Variants in GSTA4 observed in about 807,000 individuals in gnomAD.
The protein encoded by GSTA4 is glutathione S-transferase alpha 4, also known as glutathione S-transferase A4.
GSTA4 carries 15 observed loss-of-function variants against 24.4 expected under a neutral mutation model. The ratio of observed to expected loss-of-function variants is 0.61; its 90% CI spans 0.41 to 0.95. The LOEUF (loss-of-function observed/expected upper bound fraction) is 0.95, where lower values mean the gene tolerates loss of function less well. Among genes scored for constraint, GSTA4 ranks in the 40% least tolerant of loss-of-function variants. The pLI, the probability that GSTA4 is intolerant of heterozygous loss-of-function variation, is 0.00. For synonymous variants in GSTA4, 92 were observed against 94.2 expected (o/e 0.98, Z 0.13); for missense variants, 244 against 262.1 (o/e 0.93, Z 0.48).
chr6:52,986,550 A>C (rs892634394), intron 3 of GSTA4, among the ~76,000 whole-genome samples: 6 of 152,250 alleles, frequency 3.9e-5, no homozygotes, highest in Non-Finnish European at 7.3e-5. Context: ...TATTTAACAA[A>C]CCTGAATCCA....
At chr6:52,993,076 CT>C (rs1204871724) in intron 2 of GSTA4, among the ~76,000 whole-genome samples, 1 of 152,104 alleles carries the variant, frequency 6.6e-6, no homozygotes, top group Non-Finnish European at 1.5e-5. Context: ...GCACTCCAGC[CT>C]GGGCTACAGA....
At chr6:52,991,952 T>G (rs1040001252) in intron 2 of GSTA4, among the ~76,000 whole-genome samples, 3 of 152,066 alleles carry the variant, frequency 2.0e-5, no homozygotes, top group South Asian at 2.1e-4. Flanking sequence ...AGACGGGGTT[T>G]CACCATGTTG....
intron 5 of GSTA4, among the ~76,000 whole-genome samples, chr6:52,983,505 T>C (rs1653552397): frequency 6.6e-6 from 1 of 152,206 alleles, no homozygotes; most frequent in African/African-American, 2.4e-5. Flanking sequence ...CATCCTGAAT[T>C]TGTAGTCAGA....
chr6:52,981,866 A>C lies in GSTA4; in HGVS notation c.546+708T>G, dbSNP rs534820648. Among the ~76,000 whole-genome samples the C allele has an allele frequency of 5.3e-5, 8 of 152,296 alleles. No homozygotes were observed. The South Asian group carries it at 1.7e-3, about 32-fold the overall frequency. On this transcript the variant is annotated intron_variant, in intron 6 of 6. Transcript: ENST00000370963. ...TCTCTCCTTTAAAGTTCTATGATCA[A>C]TCCTGCCAGAATAACCCTGAGGGAT...
chr6:52,988,456 C>T (rs1763604595), intron 2 of GSTA4, among the ~76,000 whole-genome samples: 2 of 152,168 alleles, frequency 1.3e-5, no homozygotes. Flanking sequence ...AACACTCTGA[C>T]ATCCTGAGGC....
At chr6:52,986,760 C>A (rs1324682280) in intron 3 of GSTA4, among the ~76,000 whole-genome samples, 1 of 152,196 alleles carries the variant, frequency 6.6e-6, no homozygotes, top group East Asian at 1.9e-4. Flanking sequence ...GAGCCTCCAG[C>A]TGGGCCTGAG....
intron 5 of GSTA4, among the ~76,000 whole-genome samples, chr6:52,984,014 AAACAAAAAG>A: frequency 6.6e-6 from 1 of 152,344 alleles, no homozygotes; most frequent in South Asian, 2.1e-4. Context: ...ACAAAACCAA[AAACAAAAAG>A]AGCAAAGGGA....
At chr6:52,988,211 T>C (rs1763598739) in intron 2 of GSTA4, among the ~76,000 whole-genome samples, 1 of 148,756 alleles carries the variant, frequency 6.7e-6, no homozygotes, top group Non-Finnish European at 1.5e-5. Context: ...AATTTAAGCA[T>C]CAAAAAGAAT....
chr6:52,994,153 G>A lies in GSTA4; in HGVS notation c.87+4C>T. The A allele has an allele frequency of 1.3e-6, 2 of 1,585,488 alleles. No individual in the cohort carries two copies. Among genetic ancestry groups the A allele is most frequent in the East Asian group, 2.2e-5 (1 of 44,750 alleles). On this transcript the variant is annotated splice_donor_region_variant and intron_variant, in intron 2 of 6. Coordinates refer to ENST00000370963, the MANE Select transcript of GSTA4 (RefSeq NM_001512.4). Reference sequence around the variant, plus strand: ...AATCCGTGAAGAAACAGCATATAAGGTACCTCGACTCCGGCGGCAGCTAAA... The same window carrying A: ...AATCCGTGAAGAAACAGCATATAAGATACCTCGACTCCGGCGGCAGCTAAA...
rs1043393542 is a variant in GSTA4, at chr6:52,982,886, A to G, written c.415-181T>C. 2.8e-4 allele frequency among the ~76,000 whole-genome samples: 8 copies of G among 28,186 alleles called. No individual in the cohort carries two copies. The South Asian group carries it at 8.8e-3, about 31-fold the overall frequency. The allele number at this position is 28,186 out of a possible 152,430, so 18.5% of individuals were successfully genotyped here. On this transcript the variant is annotated intron_variant, in intron 5 of 6. Transcript: ENST00000370963. Reference sequence around the variant, plus strand: ...GACAGAGAGAGTGAGAGAGAGGGGGAGAGAGAGAGAGAGAGAGCGAGAGAG... The same window carrying G: ...GACAGAGAGAGTGAGAGAGAGGGGGGGAGAGAGAGAGAGAGAGCGAGAGAG...
At chr6:52,984,984 A>T (rs1006514072) in intron 4 of GSTA4, among the ~76,000 whole-genome samples, 32 of 152,122 alleles carry the variant, frequency 2.1e-4, no homozygotes, top group Admixed American at 2.0e-3. Context: ...CTCTCTATCC[A>T]TTATCTCATT....
intron 5 of GSTA4, 49 bp downstream of exon 5, chr6:52,984,415 T>G (rs200341338): frequency 8.8e-5 from 136 of 1,549,012 alleles, no homozygotes; most frequent in Admixed American, 1.4e-4. Context: ...AGCTTCTTTG[T>G]GGTTTGTGGT....
intron 5 of GSTA4, among the ~76,000 whole-genome samples, chr6:52,983,402 G>A (rs316130): frequency 0.56 from 85,742 of 152,018 alleles, 24,516 homozygotes; most frequent in East Asian, 0.74. Context: ...GCCCATGGGT[G>A]TCTGCATGTG....
At chr6:52,992,867 C>CA (rs1477440737) in intron 2 of GSTA4, among the ~76,000 whole-genome samples, 1 of 152,104 alleles carries the variant, frequency 6.6e-6, no homozygotes. Context: ...TTGAGAGGCC[C>CA]AGGTGGGTGC....
chr6:52,985,610 G>A (rs41273862), intron 3 of GSTA4, 27 bp from the exon 4 acceptor site: 94,665 of 1,610,886 alleles, frequency 0.059, 3,169 homozygotes, highest in Non-Finnish European at 0.067. Flanking sequence ...AGAGTTAGAA[G>A]TGATCTTTTC....
intron 3 of GSTA4, among the ~76,000 whole-genome samples, chr6:52,986,841 G>A (rs1663503580): frequency 6.6e-6 from 1 of 152,204 alleles, no homozygotes; most frequent in Non-Finnish European, 1.5e-5. Context: ...GTCTGCTGGT[G>A]GCTCCTGCTA....
At chr6:52,988,943 G>A (rs1423063909) in intron 2 of GSTA4, among the ~76,000 whole-genome samples, 1 of 152,174 alleles carries the variant, frequency 6.6e-6, no homozygotes, top group East Asian at 1.9e-4. Context: ...GACCTACTGG[G>A]GGGCTGTATT....
intron 2 of GSTA4, among the ~76,000 whole-genome samples, chr6:52,991,507 G>A (rs1763660876): frequency 1.3e-5 from 2 of 152,064 alleles, no homozygotes. Context: ...AAGTTAAAGA[G>A]AAAGAAAAAA....
chr6:52,981,471 A>C (rs1763450422), intron 6 of GSTA4, among the ~76,000 whole-genome samples: 1 of 152,200 alleles, frequency 6.6e-6, no homozygotes, highest in Non-Finnish European at 1.5e-5. Context: ...GCTGTAGAAA[A>C]ACAAAAGTAA....
Sources: gnomAD v4.1 joint callset for allele counts (sites outside exome capture counted in the v4.1 genomes callset) on GRCh38, gnomAD v4.1.1 for gene constraint, MANE v1.5 for transcripts, NCBI Gene and HGNC (gene_info 2026-07-23, HGNC 2026-07-21) for gene names.